Variants in TRIM23 observed in about 807,000 individuals in gnomAD.
TRIM23 encodes tripartite motif containing 23, also known as E3 ubiquitin-protein ligase TRIM23.
Under a neutral mutation model 71.0 loss-of-function variants are expected in TRIM23, and 27 were observed. The observed-to-expected ratio is 0.38, with a 90% CI of 0.28 to 0.52. The LOEUF (loss-of-function observed/expected upper bound fraction) is 0.52. TRIM23 is among the 20% of genes least tolerant of loss of function. The probability of loss-of-function intolerance (pLI) is 0.84; values close to 1 mark genes in which losing one functional copy is unlikely to be tolerated. For synonymous variants in TRIM23, 234 were observed against 238.0 expected, an observed-to-expected ratio of 0.98 and a Z score of 0.16; for missense variants, 482 against 692.3, an observed-to-expected ratio of 0.70 and a Z score of 3.41.
chr5:65,622,132 A>G (rs1754963949), intron 1 of TRIM23, among the ~76,000 whole-genome samples: 1 of 151,840 alleles, frequency 6.6e-6, no homozygotes, highest in South Asian at 2.1e-4. Flanking sequence ...TCTGTGATAC[A>G]TTTTTAAATG....
intron 6 of TRIM23, 26 bp downstream of exon 6, chr5:65,609,217 T>C (rs1754585684): frequency 2.5e-6 from 4 of 1,611,152 alleles, no homozygotes; most frequent in Non-Finnish European, 3.4e-6. Flanking sequence ...TACAACTAAG[T>C]CCCTAACCAC....
At position 65,598,729 on chromosome 5, in the gene TRIM23, C is replaced by T. The variant is rs1187150793; in HGVS notation, c.1180-1549G>A. ...CGCCATTGCACTCCAGCCTGGGCAA[C>T]AAGAGCGAAACTCCGCCTCAAAAAA... On this transcript the variant is annotated intron_variant, in intron 7 of 10. Transcript: ENST00000231524. 2.1e-5 allele frequency among the ~76,000 whole-genome samples: 3 copies of T among 141,262 alleles called. No homozygotes were observed. In the East Asian group the frequency reaches 6.1e-4, roughly 29 times the overall value. The allele number at this position is 141,262 out of a possible 152,430, so 92.7% of individuals were successfully genotyped here.
intron 9 of TRIM23, among the ~76,000 whole-genome samples, chr5:65,595,580 T>C (rs906530038): frequency 7.0e-6 from 1 of 142,858 alleles, no homozygotes; most frequent in Non-Finnish European, 1.5e-5. Flanking sequence ...AAAAAAAAAT[T>C]AGCTGAATGT....
intron 7 of TRIM23, among the ~76,000 whole-genome samples, chr5:65,599,992 A>G (rs1561743192): frequency 6.6e-6 from 1 of 152,146 alleles, no homozygotes; most frequent in Non-Finnish European, 1.5e-5. Context: ...GGAAAGCCTC[A>G]GGAAACTTAC....
At position 65,594,661 on chromosome 5, in the gene TRIM23, T is replaced by C; in HGVS notation, c.1421-16A>G. On this transcript the variant is annotated splice_polypyrimidine_tract_variant and intron_variant, in intron 9 of 10. Coordinates refer to ENST00000231524, the MANE Select transcript of TRIM23 (RefSeq NM_001656.4). The stretch of plus-strand genomic sequence containing the variant: ...AACACAACAGCTACCCAAAAAAAAA[T>C]AAAAAAAACAAAAATAGTCACTTGC... 6.6e-7 allele frequency: 1 copy of C among 1,522,496 alleles called. No homozygotes were observed. The allele number at this position is 1,522,496 out of a possible 1,614,324, so 94.3% of individuals were successfully genotyped here. A position where few individuals can be genotyped will look rare whatever the true frequency, so the allele number is the denominator to read the frequency against.
chr5:65,611,585 T>TA lies in TRIM23; in HGVS notation c.645+17dup, dbSNP rs1203718833. On this transcript the variant is annotated intron_variant, in intron 4 of 10. Coordinates refer to ENST00000231524, the MANE Select transcript of TRIM23 (RefSeq NM_001656.4). Reference sequence around the variant, plus strand: ...AAGTAGCTACAGTGATCCAACTGATTAATAATTAAATTCATACCTTGTGAC... The same window carrying TA: ...AAGTAGCTACAGTGATCCAACTGATTAAATAATTAAATTCATACCTTGTGAC... 6.2e-7 allele frequency: 1 copy of TA among 1,605,448 alleles called. No individual in the cohort carries two copies. The highest frequency in any genetic ancestry group is 1.3e-5 in the African/African-American group (1 of 74,688).
rs771990731 is a variant in TRIM23 at position 65,591,617 on chromosome 5, A to T, written c.*152T>A. 7.1e-5 allele frequency: 82 copies of T among 1,153,854 alleles called. No homozygotes were observed. The highest frequency in any genetic ancestry group is 8.4e-5 in the Non-Finnish European group (75 of 888,286). The allele number at this position is 1,153,854 out of a possible 1,614,324, so 71.5% of individuals were successfully genotyped here. ...CTGCCACAAAATTTTTTTAAAGCAA[A>T]GTACTGAATTCCCAATCCAAGATTC... On this transcript the variant is annotated 3_prime_UTR_variant, in exon 11 of 11. Transcript: ENST00000231524.
chr5:65,605,327 A>G (rs546253598), intron 6 of TRIM23, among the ~76,000 whole-genome samples: 2 of 152,356 alleles, frequency 1.3e-5, no homozygotes, highest in East Asian at 1.9e-4. Context: ...AATGTGGAGT[A>G]TAAGAAGACA....
chr5:65,593,493 A>G (rs1230360463), intron 10 of TRIM23, among the ~76,000 whole-genome samples: 1 of 152,214 alleles, frequency 6.6e-6, no homozygotes, highest in African/African-American at 2.4e-5. Context: ...TTTCATCTTT[A>G]ACTATCTGAT....
Position 65,624,303 on chromosome 5 carries a change from C to G in TRIM23, c.-29G>C. The G allele has an allele frequency of 1.2e-6, 2 of 1,611,340 alleles. No homozygotes were observed. Among genetic ancestry groups the G allele is most frequent in the Non-Finnish European group, 1.7e-6 (2 of 1,179,278 alleles). ...CGCAGGGGAAGCGCCACAGAAACAG[C>G]CTTCAGAGTCCTCAACTGAGAGGCG... On this transcript the variant is annotated 5_prime_UTR_variant, in exon 1 of 11. Transcript: ENST00000231524.
chr5:65,598,302 C>G (rs1294222180), intron 7 of TRIM23, among the ~76,000 whole-genome samples: 2 of 152,120 alleles, frequency 1.3e-5, no homozygotes, highest in Non-Finnish European at 2.9e-5. Flanking sequence ...AACTACAGCA[C>G]CCAGGCCATA....
chr5:65,591,815 C>A lies in TRIM23; in HGVS notation c.1679G>T (p.Trp560Leu). The A allele has an allele frequency of 3.1e-6, 5 of 1,610,460 alleles. No homozygotes were observed. The highest frequency in any genetic ancestry group is 4.2e-6 in the Non-Finnish European group (5 of 1,177,734). Residue 560 changes from tryptophan to leucine, a missense_variant, in exon 11 of 11, where the codon TGG becomes TTG. Coordinates refer to ENST00000231524, the MANE Select transcript of TRIM23 (RefSeq NM_001656.4). Reference sequence around the variant, plus strand: ...AGCAGCTACAAGTTGCCGTGAGAGCCAGTCCAACCCTTCATACAGTCCCAT... The same window carrying A: ...AGCAGCTACAAGTTGCCGTGAGAGCAAGTCCAACCCTTCATACAGTCCCAT... ...SGMGLYEGLD[W>L]LSRQLVAAGV...
chr5:65,596,968 A>T, intron 8 of TRIM23, 83 bp downstream of exon 8: 2 of 1,532,208 alleles, frequency 1.3e-6, no homozygotes, highest in Non-Finnish European at 1.8e-6. Context: ...CCACCATGAC[A>T]GATCAGTATC....
chr5:65,620,586 T>TG (rs1006387588), intron 1 of TRIM23, among the ~76,000 whole-genome samples: 2 of 151,550 alleles, frequency 1.3e-5, no homozygotes, highest in African/African-American at 2.4e-5. Flanking sequence ...AGAGCAAATT[T>TG]TTTTTGTATT....
At chr5:65,595,105 T>G (rs1026875795) in intron 9 of TRIM23, among the ~76,000 whole-genome samples, 6 of 152,090 alleles carry the variant, frequency 3.9e-5, no homozygotes, top group African/African-American at 1.4e-4. Flanking sequence ...CTTTCAACCA[T>G]TCCTCATATT....
In TRIM23 at chr5:65,594,835, A is replaced by G. The variant is rs895273801; in HGVS notation, c.1421-190T>C. On this transcript the variant is annotated intron_variant, in intron 9 of 10. Coordinates refer to ENST00000231524, the MANE Select transcript of TRIM23 (RefSeq NM_001656.4). ...AACAGTATGATTTCAAGTAGTTTAC[A>G]TAACTTCTCAGGTTTAGTTTCCCCA... 3.9e-5 allele frequency among the ~76,000 whole-genome samples: 6 copies of G among 152,214 alleles called. No homozygotes were observed. In the South Asian group the frequency reaches 1.2e-3, roughly 32 times the overall value.
chr5:65,612,234 C>T (rs1229916652), intron 3 of TRIM23, among the ~76,000 whole-genome samples: 1 of 152,104 alleles, frequency 6.6e-6, no homozygotes, highest in Admixed American at 6.6e-5. Context: ...TGTAAAACTA[C>T]AAAAATCTGA....
chr5:65,620,400 G>A (rs1455895771), intron 1 of TRIM23, among the ~76,000 whole-genome samples: 4 of 152,046 alleles, frequency 2.6e-5, no homozygotes, highest in Non-Finnish European at 5.9e-5. Flanking sequence ...TGGAAAGAAA[G>A]TAAATATACA....
chr5:65,615,807 T>A (rs900144863), intron 2 of TRIM23, among the ~76,000 whole-genome samples: 12 of 152,250 alleles, frequency 7.9e-5, no homozygotes, highest in Non-Finnish European at 1.2e-4. Context: ...TTTATATCAC[T>A]TAATTCTGTG....
Sources: gnomAD v4.1 joint callset for allele counts (sites outside exome capture counted in the v4.1 genomes callset) on GRCh38, gnomAD v4.1.1 for gene constraint, MANE v1.5 for transcripts, NCBI Gene and HGNC (gene_info 2026-07-23, HGNC 2026-07-21) for gene names.